Variants in ST6GAL1 observed in about 807,000 individuals in gnomAD.
The protein encoded by ST6GAL1 is ST6 beta-galactoside alpha-2,6-sialyltransferase 1.
ST6GAL1 carries 20 observed loss-of-function variants against 38.0 expected under a neutral mutation model. That is an observed-to-expected ratio of 0.53 (90% CI 0.37 to 0.77). The LOEUF (loss-of-function observed/expected upper bound fraction) is 0.77, where lower values mean the gene tolerates loss of function less well. ST6GAL1 is among the 30% of genes least tolerant of loss of function. The pLI is 0.00. For missense variants in ST6GAL1, 432 were observed against 496.4 expected, an observed-to-expected ratio of 0.87 and a Z score of 1.23; for synonymous variants, 196 against 188.2, an observed-to-expected ratio of 1.04 and a Z score of -0.34.
At position 186,952,810 on chromosome 3, in the gene ST6GAL1, T is replaced by A. The variant is rs4686449; in HGVS notation, c.-324-10975T>A. ...TCAACCATCTACTTGACAAGTTTCC[T>A]TAGACATCTAATATACATCTCAAAT... On this transcript the variant is annotated intron_variant, in intron 1 of 7. Coordinates refer to ENST00000169298, the MANE Select transcript of ST6GAL1 (RefSeq NM_173216.2). The surrounding 1 kb of genome is among the most constrained non-coding windows in gnomAD (Gnocchi z 4.1). 7.9e-5 allele frequency among the ~76,000 whole-genome samples: 12 copies of A among 152,096 alleles called. No individual in the cohort carries two copies. Among genetic ancestry groups the A allele is most frequent in the Non-Finnish European group, 1.3e-4 (9 of 68,024 alleles).
intron 1 of ST6GAL1, among the ~76,000 whole-genome samples, chr3:186,947,378 C>T (rs1001117708): frequency 1.3e-5 from 2 of 152,188 alleles, no homozygotes; most frequent in Non-Finnish European, 2.9e-5. Flanking sequence ...GGTGGTGAGA[C>T]TGATTTGAGC....
chr3:186,940,333 A>G (rs1714124086), intron 1 of ST6GAL1, among the ~76,000 whole-genome samples: 1 of 152,180 alleles, frequency 6.6e-6, no homozygotes, highest in Non-Finnish European at 1.5e-5. Context: ...TTAACCCCTC[A>G]GCTTATGCCA....
intron 2 of ST6GAL1, among the ~76,000 whole-genome samples, chr3:186,974,279 A>T (rs370184803): frequency 5.3e-4 from 81 of 152,144 alleles, no homozygotes; most frequent in African/African-American, 1.9e-3. Context: ...CCCATATCCA[A>T]CCATCCACAG....
Position 187,043,173 on chromosome 3 carries a change from A to G in ST6GAL1, c.470A>G (p.Asp157Gly), listed in dbSNP as rs968006280. The G allele has an allele frequency of 5.0e-6, 8 of 1,614,058 alleles. No individual in the cohort carries two copies. In the African/African-American group the frequency reaches 1.1e-4, roughly 22 times the overall value. The change falls in exon 4 of 8, where the codon GAT becomes GGT. Residue 157 changes from aspartate to glycine, a missense_variant. By Grantham distance (94) the Asp-to-Gly change is moderately conservative. Coordinates refer to ENST00000169298, the MANE Select transcript of ST6GAL1 (RefSeq NM_173216.2). ...AATGTATCCATGGTAGAGGTCACAG[A>G]TTTTCCCTTCAATACCTCTGAATGG... Reference protein sequence around the residue: ...HVNVSMVEVTDFPFNTSEWEG... With the variant: ...HVNVSMVEVTGFPFNTSEWEG...
chr3:186,940,534 C>T (rs989199904), intron 1 of ST6GAL1, among the ~76,000 whole-genome samples: 3 of 152,222 alleles, frequency 2.0e-5, no homozygotes, highest in African/African-American at 7.2e-5. Context: ...CCCAGGATGG[C>T]TTTGAATGCG....
At chr3:187,012,617 G>T (rs1199104615) in intron 2 of ST6GAL1, among the ~76,000 whole-genome samples, 1 of 152,168 alleles carries the variant, frequency 6.6e-6, no homozygotes, top group Non-Finnish European at 1.5e-5. Flanking sequence ...TAACAGATGA[G>T]GCCAGAAAAC....
intron 2 of ST6GAL1, among the ~76,000 whole-genome samples, chr3:186,980,184 T>C (rs1229461801): frequency 3.3e-5 from 5 of 152,156 alleles, no homozygotes; most frequent in Non-Finnish European, 7.3e-5. Context: ...CCTGAGACTC[T>C]TGTTAAAAGA....
chr3:187,017,657 G>T (rs146163464), intron 2 of ST6GAL1, among the ~76,000 whole-genome samples: 35 of 152,284 alleles, frequency 2.3e-4, no homozygotes, highest in African/African-American at 7.9e-4. Context: ...AACAGTTGTT[G>T]CCTTGGTGAC....
At chr3:187,044,749 A>G (rs1335247772) in intron 4 of ST6GAL1, among the ~76,000 whole-genome samples, 2 of 152,228 alleles carry the variant, frequency 1.3e-5, no homozygotes. Context: ...AGCTCTGTTA[A>G]TTAGAACTAC....
chr3:187,018,515 G>A (rs1717192163), intron 2 of ST6GAL1, among the ~76,000 whole-genome samples: 1 of 152,176 alleles, frequency 6.6e-6, no homozygotes, highest in Non-Finnish European at 1.5e-5. Flanking sequence ...AGAACTTGGA[G>A]TCTGATGTTC....
chr3:187,054,621 A>G (rs1718627545), intron 5 of ST6GAL1, among the ~76,000 whole-genome samples: 1 of 152,136 alleles, frequency 6.6e-6, no homozygotes, highest in Non-Finnish European at 1.5e-5. Flanking sequence ...CATATGTTGA[A>G]CCAGCCTTGC....
At chr3:187,005,424 C>T (rs779620592) in intron 2 of ST6GAL1, among the ~76,000 whole-genome samples, 14 of 151,866 alleles carry the variant, frequency 9.2e-5, no homozygotes, top group African/African-American at 3.1e-4. Context: ...TACAGGTGCC[C>T]GCCACCATGC....
chr3:186,969,709 C>T (rs1374838875), intron 2 of ST6GAL1, among the ~76,000 whole-genome samples: 4 of 152,104 alleles, frequency 2.6e-5, no homozygotes, highest in African/African-American at 7.2e-5. Context: ...AGAGGAAGAG[C>T]GGTGATCTCA....
chr3:187,045,342 A>G (rs1718260413), intron 4 of ST6GAL1, among the ~76,000 whole-genome samples: 3 of 151,968 alleles, frequency 2.0e-5, no homozygotes, highest in South Asian at 4.2e-4. Context: ...GTGTAATAAC[A>G]TACTCTGCCT....
At chr3:186,935,614 C>CACCA (rs1337956323) in intron 1 of ST6GAL1, among the ~76,000 whole-genome samples, 1 of 152,070 alleles carries the variant, frequency 6.6e-6, no homozygotes, top group Non-Finnish European at 1.5e-5. Flanking sequence ...TTTACACTCC[C>CACCA]ACCAACAGTG....
intron 2 of ST6GAL1, among the ~76,000 whole-genome samples, chr3:186,984,416 C>G (rs921018095): frequency 1.3e-5 from 2 of 152,112 alleles, no homozygotes; most frequent in Non-Finnish European, 2.9e-5. Flanking sequence ...GAGTTCTTGC[C>G]AAGACCTCAA....
chr3:186,932,100 C>A (rs1459589963), intron 1 of ST6GAL1, among the ~76,000 whole-genome samples: 2 of 152,010 alleles, frequency 1.3e-5, no homozygotes, highest in African/African-American at 4.8e-5. Flanking sequence ...GGGCGGGCTG[C>A]TGCCTCACCT....
At chr3:187,026,259 C>G (rs896813946) in intron 2 of ST6GAL1, among the ~76,000 whole-genome samples, 1 of 152,142 alleles carries the variant, frequency 6.6e-6, no homozygotes, top group Non-Finnish European at 1.5e-5. Context: ...TGTTGGTTCC[C>G]GCTTGATAGA....
chr3:187,042,622 T>A, intron 3 of ST6GAL1, 32 bp from the exon 4 acceptor site: 2 of 1,522,380 alleles, frequency 1.3e-6, no homozygotes, highest in Admixed American at 4.4e-5. Flanking sequence ...TTTCTTTACA[T>A]CATTTGTTTT....
Sources: allele counts gnomAD v4.1 joint callset (sites outside exome capture counted in the v4.1 genomes callset), GRCh38; gene constraint gnomAD v4.1.1; non-coding constraint Gnocchi (gnomAD v3.1); transcripts MANE v1.5; gene names NCBI Gene and HGNC (gene_info 2026-07-23, HGNC 2026-07-21).